The following CFAP58 variants were observed in gnomAD, a reference collection of about 807,000 sequenced individuals.
The protein encoded by CFAP58 is cilia- and flagella-associated protein 58.
A neutral mutation model predicts 119.5 loss-of-function variants in CFAP58; 88 were observed. The observed-to-expected ratio is 0.74, with a 90% CI of 0.62 to 0.88. The LOEUF is 0.88. Among genes scored for constraint, CFAP58 ranks in the 40% least tolerant of loss-of-function variants. CFAP58 has a pLI of 0.00. For synonymous variants in CFAP58, 365 were observed against 366.3 expected, an observed-to-expected ratio of 1.00 and a Z score of 0.04; for missense variants, 990 against 1,021.2, an observed-to-expected ratio of 0.97 and a Z score of 0.42.
At chr10:104,404,731 TC>T (rs2012329535) in intron 14 of CFAP58, among the ~76,000 whole-genome samples, 1 of 152,118 alleles carries the variant, frequency 6.6e-6, no homozygotes, top group Non-Finnish European at 1.5e-5. Context: ...TGCCTCAGCC[TC>T]CCAAGTAGCT....
chr10:104,399,302 C>T (rs1297548171), intron 11 of CFAP58, 58 bp from the exon 12 acceptor site: 22 of 1,580,398 alleles, frequency 1.4e-5, no homozygotes, highest in Admixed American at 1.8e-5. Context: ...CGGGCCCTGT[C>T]GTCCTGGTTT....
At chr10:104,413,281 G>A (rs1339305636) in intron 15 of CFAP58, among the ~76,000 whole-genome samples, 1 of 152,204 alleles carries the variant, frequency 6.6e-6, no homozygotes, top group Non-Finnish European at 1.5e-5. Flanking sequence ...TTATGGATCT[G>A]TAAACTTGAT....
At chr10:104,344,523 C>T in the CFAP58 span, among the ~76,000 whole-genome samples, 1 of 152,164 alleles carries the variant, frequency 6.6e-6, no homozygotes. Flanking sequence ...GACCATGTGG[C>T]CCGTGAAGCC....
intron 7 of CFAP58, among the ~76,000 whole-genome samples, chr10:104,374,182 G>A (rs1186075819): frequency 1.3e-5 from 2 of 152,020 alleles, no homozygotes; most frequent in South Asian, 2.1e-4. Flanking sequence ...AAAAGAGGTC[G>A]GGAGTGGTGG....
At chr10:104,342,844 C>CAAAAAAAAAAA in the CFAP58 span, among the ~76,000 whole-genome samples, 1 of 48,502 alleles carries the variant, frequency 2.1e-5, no homozygotes, top group African/African-American at 8.0e-5. Context: ...GACCCTGTAT[C>CAAAAAAAAAAA]AAAAAAAAAA....
At chr10:104,446,334 A>G (rs1370837539) in intron 15 of CFAP58, among the ~76,000 whole-genome samples, 1 of 152,076 alleles carries the variant, frequency 6.6e-6, no homozygotes, top group Non-Finnish European at 1.5e-5. Context: ...TATTTTTTTC[A>G]TATGTGTTTT....
rs761844995 is a variant in CFAP58, at chr10:104,392,289, G to GA, written c.1429dup (p.Ile477AsnfsTer3). 12 of 1,611,442 alleles carry GA rather than the reference G, an allele frequency of 7.4e-6. No individual in the cohort carries two copies. Among genetic ancestry groups the GA allele is most frequent in the South Asian group, 3.3e-5 (3 of 90,538 alleles). On this transcript the variant is annotated frameshift_variant, in exon 10 of 18. Coordinates refer to ENST00000369704, the MANE Select transcript of CFAP58 (RefSeq NM_001008723.2). LOFTEE classifies it high-confidence loss of function. The stretch of plus-strand genomic sequence containing the variant: ...GTGAAACACAGATTTTTGACTACAG[G>GA]AAAAAAATAGCTGAATCAGAGATTA...
intron 1 of CFAP58, 40 bp downstream of exon 1, chr10:104,353,946 C>A: frequency 6.2e-7 from 1 of 1,609,870 alleles, no homozygotes; most frequent in Non-Finnish European, 8.5e-7. Context: ...TCCCTTGACC[C>A]CTCCCCATTG....
At chr10:104,362,219 TCTCCTTCAGTAGACAGC>T (rs771426595) in intron 3 of CFAP58, 48 bp downstream of exon 3, 1 of 1,527,778 alleles carries the variant, frequency 6.5e-7, no homozygotes, top group Non-Finnish European at 8.8e-7. Flanking sequence ...TTTGCAGAGG[TCTCCTTCAGTAGACAGC>T]CTGGGGCTTG....
intron 15 of CFAP58, among the ~76,000 whole-genome samples, chr10:104,430,034 G>A (rs2012818879): frequency 6.6e-6 from 1 of 152,122 alleles, no homozygotes; most frequent in Non-Finnish European, 1.5e-5. Flanking sequence ...GTGGATAGAT[G>A]GGCAGCACAT....
chr10:104,351,211 C>A (rs949660616), upstream of CFAP58, among the ~76,000 whole-genome samples: 2 of 152,194 alleles, frequency 1.3e-5, no homozygotes, highest in Non-Finnish European at 2.9e-5. Context: ...TCTCCAGCAA[C>A]CTCCATGCAC....
chr10:104,420,127 CT>C (rs10708502), intron 15 of CFAP58, among the ~76,000 whole-genome samples: 77,306 of 143,572 alleles, frequency 0.54, 20,963 homozygotes, highest in African/African-American at 0.68. Context: ...TGTTTGGGGC[CT>C]TTTTTTTTTT....
At chr10:104,345,458 T>C in the CFAP58 span, among the ~76,000 whole-genome samples, 1 of 152,140 alleles carries the variant, frequency 6.6e-6, no homozygotes, top group Admixed American at 6.5e-5. Context: ...CCTTTCACCT[T>C]CCTTTAGTCA....
chr10:104,351,180 C>G (rs1158747646), upstream of CFAP58, among the ~76,000 whole-genome samples: 1 of 152,180 alleles, frequency 6.6e-6, no homozygotes, highest in Non-Finnish European at 1.5e-5. Context: ...TTCAGCCTGC[C>G]TCTCCAGTTC....
At chr10:104,440,845 G>A (rs1278031490) in intron 15 of CFAP58, among the ~76,000 whole-genome samples, 5 of 151,104 alleles carry the variant, frequency 3.3e-5, no homozygotes, top group Admixed American at 2.0e-4. Flanking sequence ...TTCCCTTTCC[G>A]TGGCCCACCA....
chr10:104,406,015 G>T (rs1048577055), intron 14 of CFAP58, among the ~76,000 whole-genome samples: 3 of 152,130 alleles, frequency 2.0e-5, no homozygotes, highest in Non-Finnish European at 4.4e-5. Flanking sequence ...AGGATTGCTC[G>T]ATCCCCCAGA....
chr10:104,368,014 T>G (rs2014774539), intron 5 of CFAP58, among the ~76,000 whole-genome samples: 2 of 152,234 alleles, frequency 1.3e-5, no homozygotes, highest in Non-Finnish European at 2.9e-5. Context: ...TAATGCAGGA[T>G]TTGCTTCTGA....
At chr10:104,443,854 C>T (rs1176345163) in intron 15 of CFAP58, among the ~76,000 whole-genome samples, 2 of 152,136 alleles carry the variant, frequency 1.3e-5, no homozygotes, top group Non-Finnish European at 2.9e-5. Flanking sequence ...TTACTGGAAG[C>T]TAATACTGTA....
intron 15 of CFAP58, among the ~76,000 whole-genome samples, chr10:104,412,091 G>T (rs1375210167): frequency 6.6e-6 from 1 of 152,066 alleles, no homozygotes; most frequent in Non-Finnish European, 1.5e-5. Flanking sequence ...ATTCTGTTTT[G>T]TGATTAAAAC....
Sources: allele counts gnomAD v4.1 joint callset (sites outside exome capture counted in the v4.1 genomes callset), GRCh38; gene constraint gnomAD v4.1.1; transcripts MANE v1.5; gene names NCBI Gene and HGNC (gene_info 2026-07-23, HGNC 2026-07-21).